Variants in TBXAS1 observed in about 807,000 individuals in gnomAD.
TBXAS1 encodes the protein thromboxane-A synthase.
In TBXAS1, 48 loss-of-function variants were observed where a neutral mutation model predicts 60.7. That is an observed-to-expected ratio of 0.79 (90% CI 0.63 to 1.01). The LOEUF (loss-of-function observed/expected upper bound fraction) is 1.01, where lower values mean the gene tolerates loss of function less well. TBXAS1 is among the 50% of genes least tolerant of loss of function. The probability of loss-of-function intolerance (pLI) is 0.00; values close to 1 mark genes in which losing one functional copy is unlikely to be tolerated. For missense variants in TBXAS1, 685 were observed against 686.3 expected (o/e 1.00, Z 0.02); for synonymous variants, 287 against 269.7 (o/e 1.06, Z -0.63).
intron 3 of TBXAS1, among the ~76,000 whole-genome samples, chr7:139,878,889 C>T (rs1802466476): frequency 6.6e-6 from 1 of 151,562 alleles, no homozygotes; most frequent in Non-Finnish European, 1.5e-5. Context: ...ACACTCTACA[C>T]TGTTGATGCC....
intron 9 of TBXAS1, among the ~76,000 whole-genome samples, chr7:139,991,436 C>T (rs1166587116): frequency 6.6e-6 from 1 of 152,032 alleles, no homozygotes; most frequent in Admixed American, 6.6e-5. Flanking sequence ...CCACCCCACC[C>T]CAGAACAATG....
intron 4 of TBXAS1, among the ~76,000 whole-genome samples, chr7:139,931,122 T>A (rs1807295522): frequency 6.6e-6 from 1 of 152,108 alleles, no homozygotes; most frequent in Admixed American, 6.6e-5. Flanking sequence ...CACACACATA[T>A]CTTGAACAAG....
intron 8 of TBXAS1, among the ~76,000 whole-genome samples, chr7:139,960,108 C>A (rs1162452148): frequency 6.6e-6 from 1 of 152,206 alleles, no homozygotes; most frequent in Non-Finnish European, 1.5e-5. Flanking sequence ...TACAACCCAG[C>A]AGGCTGTTGG....
chr7:140,017,028 G>A (rs561754483), intron 11 of TBXAS1, among the ~76,000 whole-genome samples: 7 of 152,368 alleles, frequency 4.6e-5, no homozygotes, highest in African/African-American at 1.2e-4. Flanking sequence ...TGGGACACAC[G>A]CTGCAGGCAA....
intron 9 of TBXAS1, among the ~76,000 whole-genome samples, chr7:139,967,087 T>C (rs1810849518): frequency 6.6e-6 from 1 of 152,236 alleles, no homozygotes; most frequent in Non-Finnish European, 1.5e-5. Flanking sequence ...CACCAGCTCC[T>C]GCCCCAAGGC....
At chr7:139,854,193 T>A (rs1375053416) in intron 1 of TBXAS1, among the ~76,000 whole-genome samples, 2 of 152,048 alleles carry the variant, frequency 1.3e-5, no homozygotes, top group African/African-American at 4.8e-5. Flanking sequence ...ACCCTAGGTT[T>A]GTTCTTGCCT....
chr7:139,855,051 G>T lies in TBXAS1; in HGVS notation c.90-17184G>T, dbSNP rs532722083. On this transcript the variant is annotated intron_variant, in intron 1 of 12. Coordinates refer to ENST00000448866, the MANE Select transcript of TBXAS1 (RefSeq NM_001061.7). ...TTGAAATTTAATCCCCGATGTGGTAGTGTTGAGAGGTGAGGCCTGTAAGAG... is the reference window on the plus strand; with the variant it reads ...TTGAAATTTAATCCCCGATGTGGTATTGTTGAGAGGTGAGGCCTGTAAGAG... 2.6e-5 allele frequency among the ~76,000 whole-genome samples: 4 copies of T among 152,232 alleles called. No homozygotes were observed. The South Asian group carries it at 8.3e-4, about 32-fold the overall frequency.
At chr7:139,814,941 T>C (rs559494695) in intron 4 of TBXAS1, among the ~76,000 whole-genome samples, 1 of 152,170 alleles carries the variant, frequency 6.6e-6, no homozygotes, top group Non-Finnish European at 1.5e-5. Context: ...CATCCTCCCC[T>C]AGCACCTGTC....
At chr7:139,873,247 T>C (rs1801956646) in intron 2 of TBXAS1, among the ~76,000 whole-genome samples, 1 of 152,144 alleles carries the variant, frequency 6.6e-6, no homozygotes, top group Admixed American at 6.5e-5. Context: ...AATGCTAAGG[T>C]GCACTGGGCA....
intron 1 of TBXAS1, among the ~76,000 whole-genome samples, chr7:139,855,915 G>T (rs917091668): frequency 1.3e-5 from 2 of 152,188 alleles, no homozygotes; most frequent in Non-Finnish European, 2.9e-5. Context: ...AAAAAAGCAA[G>T]TCTGAGCGCT....
chr7:139,786,919 G>T (rs993267117), intron 3 of TBXAS1, among the ~76,000 whole-genome samples: 1 of 152,168 alleles, frequency 6.6e-6, no homozygotes, highest in Non-Finnish European at 1.5e-5. Context: ...TTAGAGTGAT[G>T]TCTTGCAAGT....
At chr7:139,861,221 G>A (rs961677644) in intron 1 of TBXAS1, among the ~76,000 whole-genome samples, 1 of 151,304 alleles carries the variant, frequency 6.6e-6, no homozygotes, top group African/African-American at 2.4e-5. Flanking sequence ...TTCTGCATTT[G>A]ATCTATTATG....
intron 10 of TBXAS1, among the ~76,000 whole-genome samples, chr7:140,012,447 C>T (rs976421634): frequency 2.0e-5 from 3 of 151,886 alleles, no homozygotes; most frequent in Admixed American, 6.6e-5. Context: ...AATCCCAAAT[C>T]ACCTGTAACC....
At position 139,974,002 on chromosome 7, in the gene TBXAS1, G is replaced by A. The variant is rs555725381; in HGVS notation, c.1134+11769G>A. 3.3e-5 allele frequency among the ~76,000 whole-genome samples: 5 copies of A among 152,264 alleles called. No individual in the cohort carries two copies. In the East Asian group the frequency reaches 9.7e-4, roughly 29 times the overall value. On this transcript the variant is annotated intron_variant, in intron 9 of 12. Transcript: ENST00000448866. The stretch of plus-strand genomic sequence containing the variant: ...TGAGAAGAGAATCAACTTCCCTCTG[G>A]TTATGAACAAGAAGCTTTAGAAAGC...
chr7:139,815,958 AC>A (rs1489278356), intron 4 of TBXAS1, among the ~76,000 whole-genome samples: 4 of 152,156 alleles, frequency 2.6e-5, no homozygotes, highest in Admixed American at 2.6e-4. Context: ...CTGTGTCCCC[AC>A]CCAAATCTCA....
intron 4 of TBXAS1, among the ~76,000 whole-genome samples, chr7:139,920,330 C>T (rs1806360545): frequency 6.6e-6 from 1 of 152,200 alleles, no homozygotes; most frequent in African/African-American, 2.4e-5. Flanking sequence ...TCCTCTCTTA[C>T]CTGTTGTCAC....
chr7:139,865,747 G>A (rs1163276833), intron 1 of TBXAS1, among the ~76,000 whole-genome samples: 3 of 128,534 alleles, frequency 2.3e-5, no homozygotes, highest in Non-Finnish European at 3.3e-5. Context: ...GGAGGAGGAA[G>A]AGGAGGAGGA....
intron 5 of TBXAS1, among the ~76,000 whole-genome samples, chr7:139,944,872 C>T (rs1275448639): frequency 1.3e-5 from 2 of 152,224 alleles, no homozygotes; most frequent in East Asian, 3.8e-4. Flanking sequence ...ATTGTCCAAA[C>T]TTTCAGGAAC....
chr7:140,006,053 T>A (rs146713420), intron 9 of TBXAS1, among the ~76,000 whole-genome samples: 17 of 152,196 alleles, frequency 1.1e-4, no homozygotes, highest in Admixed American at 4.6e-4. Context: ...CGCCTGTAAC[T>A]GGAACGTTGG....
Sources: gnomAD v4.1 joint callset for allele counts (sites outside exome capture counted in the v4.1 genomes callset) on GRCh38, gnomAD v4.1.1 for gene constraint, MANE v1.5 for transcripts, NCBI Gene and HGNC (gene_info 2026-07-23, HGNC 2026-07-21) for gene names.